Variants in CCDC81 observed in about 807,000 individuals in gnomAD.
The protein encoded by CCDC81 is coiled-coil domain-containing protein 81.
Under a neutral mutation model 83.7 loss-of-function variants are expected in CCDC81, and 79 were observed. That is an observed-to-expected ratio of 0.94 (90% confidence interval 0.79 to 1.14). The LOEUF is 1.14. CCDC81 is among the 50% of genes most tolerant of loss of function. The probability of loss-of-function intolerance (pLI) is 0.00; values close to 1 mark genes in which losing one functional copy is unlikely to be tolerated. For missense variants in CCDC81, 791 were observed against 778.1 expected, an observed-to-expected ratio of 1.02 and a Z score of -0.20; for synonymous variants, 252 against 278.1, an observed-to-expected ratio of 0.91 and a Z score of 0.93.
chr11:86,403,432 T>A (rs929723797), intron 7 of CCDC81, among the ~76,000 whole-genome samples: 78 of 152,070 alleles, frequency 5.1e-4, no homozygotes, highest in Non-Finnish European at 2.6e-4. Context: ...CCTGTCCAAG[T>A]CCCCAAACAC....
chr11:86,402,902 G>A (rs952617222), intron 7 of CCDC81, among the ~76,000 whole-genome samples: 2 of 151,958 alleles, frequency 1.3e-5, no homozygotes, highest in Non-Finnish European at 2.9e-5. Context: ...ACAGTGGCAT[G>A]ATCATGGCTC....
At chr11:86,394,201 G>T (rs988716318) in intron 4 of CCDC81, among the ~76,000 whole-genome samples, 1 of 152,208 alleles carries the variant, frequency 6.6e-6, no homozygotes, top group Non-Finnish European at 1.5e-5. Flanking sequence ...GCTGAACTTT[G>T]TAGCTTCAAT....
In CCDC81 at chr11:86,375,063, G is replaced by A; in HGVS notation, c.-101G>A. 1 of 1,003,792 alleles carries A rather than the reference G, an allele frequency of 1.0e-6. No individual in the cohort carries two copies. 62.2% of individuals were successfully genotyped at this position (1,003,792 alleles called of 1,614,324 possible). ...TTTAAGGCACATCCAAAGCTCCGTG[G>A]AGAAGGGGCTGGAGGGTGGGAAAAT... is the stretch of plus-strand genomic sequence containing the variant. On this transcript the variant is annotated 5_prime_UTR_variant, in exon 1 of 15. Coordinates refer to ENST00000445632, the MANE Select transcript of CCDC81 (RefSeq NM_001156474.2).
At chr11:86,402,645 G>C (rs1311338801) in intron 7 of CCDC81, among the ~76,000 whole-genome samples, 1 of 152,124 alleles carries the variant, frequency 6.6e-6, no homozygotes, top group Non-Finnish European at 1.5e-5. Flanking sequence ...GAGATAAGAG[G>C]TGAGTCCATT....
At chr11:86,400,050 G>C (rs1215598910) in intron 6 of CCDC81, among the ~76,000 whole-genome samples, 2 of 149,370 alleles carry the variant, frequency 1.3e-5, no homozygotes, top group Non-Finnish European at 3.0e-5. Flanking sequence ...AGAATTGCTA[G>C]AACCTGGGAG....
chr11:86,389,704 G>C (rs1248277327), intron 3 of CCDC81, among the ~76,000 whole-genome samples: 1 of 152,110 alleles, frequency 6.6e-6, no homozygotes, highest in Non-Finnish European at 1.5e-5. Context: ...CATGAGATTT[G>C]GGCAGGGACA....
rs567728542 is a variant in CCDC81 at position 86,412,505 on chromosome 11, A to C, written c.1337A>C (p.Gln446Pro). Residue 446 changes from glutamine to proline, a missense_variant, in exon 11 of 15, where the codon CAA (glutamine) becomes CCA (proline). By Grantham distance (76) the Gln-to-Pro change is moderately conservative (BLOSUM62 -1). Transcript: ENST00000445632. Reference protein sequence around the residue: ...MDNRQENEIKQRQYRELMDRL... With the variant: ...MDNRQENEIKPRQYRELMDRL... ...AACAGACAGGAAAACGAAATAAAGCAAAGACAATACAGAGAGTTGATGGAC... is the reference window on the plus strand; with the variant it reads ...AACAGACAGGAAAACGAAATAAAGCCAAGACAATACAGAGAGTTGATGGAC... 1 of 1,614,100 alleles carries C rather than the reference A, an allele frequency of 6.2e-7. No individual in the cohort carries two copies. The highest frequency in any genetic ancestry group is 1.3e-5 in the African/African-American group (1 of 75,044).
chr11:86,385,672 A>G (rs1330720406), intron 1 of CCDC81, among the ~76,000 whole-genome samples: 1 of 152,214 alleles, frequency 6.6e-6, no homozygotes, highest in African/African-American at 2.4e-5. Flanking sequence ...CGTTCTTATT[A>G]ATCAGATGGC....
intron 1 of CCDC81, among the ~76,000 whole-genome samples, chr11:86,385,279 G>A (rs1190406270): frequency 6.6e-6 from 1 of 152,136 alleles, no homozygotes; most frequent in African/African-American, 2.4e-5. Flanking sequence ...CAGCTACTCG[G>A]GAGGCTGAGG....
intron 13 of CCDC81, among the ~76,000 whole-genome samples, chr11:86,418,129 C>T (rs1352779303): frequency 6.6e-6 from 1 of 151,820 alleles, no homozygotes; most frequent in Middle Eastern, 3.2e-3. Context: ...ATGATTAACA[C>T]CACAAATTAT....
intron 3 of CCDC81, among the ~76,000 whole-genome samples, chr11:86,388,326 C>A (rs7110658): frequency 0.36 from 54,231 of 151,634 alleles, 9,828 homozygotes; most frequent in East Asian, 0.4. Flanking sequence ...TAATCCCTGC[C>A]ACAGACTGCT....
rs533033178 is a variant in CCDC81, at chr11:86,390,524, G to T, written c.299-2017G>T. On this transcript the variant is annotated intron_variant, in intron 3 of 14. Transcript: ENST00000445632. ...TTTTGAGCAGGGAATTATCTGTACAGATAGGATTAATTTAGAAAGATACTC... is the reference window on the plus strand; with the variant it reads ...TTTTGAGCAGGGAATTATCTGTACATATAGGATTAATTTAGAAAGATACTC... Among the ~76,000 whole-genome samples the T allele has an allele frequency of 4.6e-5, 7 of 152,300 alleles. No homozygotes were observed. The East Asian group carries it at 1.2e-3, about 25-fold the overall frequency.
chr11:86,379,103 T>C (rs866999513), intron 1 of CCDC81, among the ~76,000 whole-genome samples: 44 of 103,478 alleles, frequency 4.3e-4, no homozygotes, highest in African/African-American at 1.8e-3. Context: ...TCAGTTATAC[T>C]TTTTTTTTTT....
In CCDC81 at chr11:86,412,345, T is replaced by C. The variant is rs754764733; in HGVS notation, c.1219-42T>C. On this transcript the variant is annotated intron_variant, in intron 10 of 14. Coordinates refer to ENST00000445632, the MANE Select transcript of CCDC81 (RefSeq NM_001156474.2). ...TCTTCTGAATTATTAACCTTGTTTTTCAGTACTCTAGCATAAATGAATTGC... is the reference window on the plus strand; with the variant it reads ...TCTTCTGAATTATTAACCTTGTTTTCCAGTACTCTAGCATAAATGAATTGC... The C allele has an allele frequency of 8.4e-6, 12 of 1,422,820 alleles. No individual in the cohort carries two copies. The South Asian group carries it at 1.5e-4, about 18-fold the overall frequency. 88.1% of individuals were successfully genotyped at this position (1,422,820 alleles called of 1,614,324 possible). A position where few individuals can be genotyped will look rare whatever the true frequency, so the allele number is the denominator to read the frequency against.
intron 7 of CCDC81, among the ~76,000 whole-genome samples, chr11:86,407,110 A>T (rs538443284): frequency 7.9e-5 from 12 of 152,286 alleles, no homozygotes; most frequent in African/African-American, 2.9e-4. Context: ...TTCTCTTTAC[A>T]GTTTAACACT....
At chr11:86,398,491 G>C (rs1322681725) in intron 6 of CCDC81, among the ~76,000 whole-genome samples, 1 of 151,644 alleles carries the variant, frequency 6.6e-6, no homozygotes, top group Non-Finnish European at 1.5e-5. Flanking sequence ...AGGTTGTTTT[G>C]GTGGAAGCAA....
chr11:86,404,959 A>C (rs1456733738), intron 7 of CCDC81, among the ~76,000 whole-genome samples: 1 of 152,182 alleles, frequency 6.6e-6, no homozygotes, highest in African/African-American at 2.4e-5. Context: ...CTTCTTTTCT[A>C]GCTTGAGTAC....
rs756087419 is a variant in CCDC81 at position 86,409,323 on chromosome 11, T to A, written c.1176T>A (p.Ala392=). 6.5e-7 allele frequency: 1 copy of A among 1,543,152 alleles called. No individual in the cohort carries two copies. Residue 392 remains alanine (A), a synonymous_variant, in exon 10 of 15, where the codon GCT becomes GCA. Coordinates refer to ENST00000445632, the MANE Select transcript of CCDC81 (RefSeq NM_001156474.2). ...ATGCTGCCTATAATCTTGGAGTTGC[T>A]GAAGCTATAAGAAACCACAAGAATG... ...QKNAAYNLGV[A]EAIRNHKNEK...
intron 6 of CCDC81, among the ~76,000 whole-genome samples, chr11:86,398,282 T>C (rs1948437777): frequency 6.6e-6 from 1 of 152,176 alleles, no homozygotes; most frequent in Non-Finnish European, 1.5e-5. Context: ...GGCTCCCCAT[T>C]GCTCAAAGGG....
Sources: allele counts gnomAD v4.1 joint callset (sites outside exome capture counted in the v4.1 genomes callset), GRCh38; gene constraint gnomAD v4.1.1; transcripts MANE v1.5; gene names NCBI Gene and HGNC (gene_info 2026-07-23, HGNC 2026-07-21).